The following C4orf36 variants were observed in gnomAD, a reference collection of about 807,000 sequenced individuals.
C4orf36 encodes the protein chromosome 4 open reading frame 36.
C4orf36 carries 11 observed loss-of-function variants against 12.2 expected under a neutral mutation model. The ratio of observed to expected loss-of-function variants is 0.90; its 90% CI spans 0.57 to 1.49. C4orf36 has a LOEUF of 1.49. Among genes scored for constraint, C4orf36 ranks in the 40% most tolerant of loss-of-function variants. The pLI, the probability that C4orf36 is intolerant of heterozygous loss-of-function variation, is 0.00. For synonymous variants in C4orf36, 54 were observed against 51.3 expected, an observed-to-expected ratio of 1.05 and a Z score of -0.22; for missense variants, 137 against 133.9, an observed-to-expected ratio of 1.02 and a Z score of -0.11.
At chr4:86,905,217 AC>A in the C4orf36 span, among the ~76,000 whole-genome samples, 2 of 142,928 alleles carry the variant, frequency 1.4e-5, no homozygotes, top group Admixed American at 7.2e-5. Flanking sequence ...TACTAAAAAT[AC>A]AAAAAAAAAA....
chr4:86,917,401 G>C, the C4orf36 span, among the ~76,000 whole-genome samples: 1 of 137,848 alleles, frequency 7.3e-6, no homozygotes, highest in Non-Finnish European at 1.6e-5. Context: ...AGGAAGGAGA[G>C]AGAAAGAGAG....
intron 4 of C4orf36, among the ~76,000 whole-genome samples, chr4:86,881,670 G>A (rs1164762992): frequency 6.7e-6 from 1 of 149,506 alleles, no homozygotes; most frequent in Non-Finnish European, 1.5e-5. Context: ...TTCACCATCT[G>A]AAATTTTCTT....
chr4:86,882,126 A>T (rs1187544797), intron 4 of C4orf36, among the ~76,000 whole-genome samples: 1 of 152,182 alleles, frequency 6.6e-6, no homozygotes, highest in East Asian at 1.9e-4. Flanking sequence ...TTGCAATGTA[A>T]TTTTATTTCA....
chr4:86,899,860 T>C, the C4orf36 span, among the ~76,000 whole-genome samples: 1 of 152,118 alleles, frequency 6.6e-6, no homozygotes, highest in East Asian at 1.9e-4. Context: ...AAACTGGACA[T>C]GTTCAGAATA....
intron 4 of C4orf36, among the ~76,000 whole-genome samples, chr4:86,885,022 G>T (rs1239118825): frequency 6.6e-6 from 1 of 152,152 alleles, no homozygotes; most frequent in African/African-American, 2.4e-5. Context: ...CAGATGTGTG[G>T]TATTATTTCT....
At chr4:86,902,644 T>TGCAACATCCATCTTC in the C4orf36 span, among the ~76,000 whole-genome samples, 1 of 152,124 alleles carries the variant, frequency 6.6e-6, no homozygotes, top group African/African-American at 2.4e-5. Flanking sequence ...TCCTACTACC[T>TGCAACATCCATCTTC]GCAACATCCA....
At chr4:86,878,013 T>C (rs2149419151) in intron 4 of C4orf36, among the ~76,000 whole-genome samples, 1 of 152,242 alleles carries the variant, frequency 6.6e-6, no homozygotes, top group South Asian at 2.1e-4. Context: ...GATAGAGACA[T>C]AGAGATTCAT....
the C4orf36 span, chr4:86,913,572 C>T: frequency 3.4e-6 from 4 of 1,183,116 alleles, no homozygotes; most frequent in Non-Finnish European, 4.9e-6. Context: ...TCATGGCCAG[C>T]AGCCACCACT....
chr4:86,921,349 G>A, the C4orf36 span, among the ~76,000 whole-genome samples: 1 of 152,242 alleles, frequency 6.6e-6, no homozygotes, highest in Non-Finnish European at 1.5e-5. Flanking sequence ...CTGACCAGCT[G>A]AGCTTCTGGC....
intron 4 of C4orf36, among the ~76,000 whole-genome samples, chr4:86,881,089 G>A (rs1447407656): frequency 1.3e-5 from 2 of 150,632 alleles, no homozygotes; most frequent in Non-Finnish European, 2.9e-5. Context: ...AGTATTGTAA[G>A]TAGTGTAATG....
the C4orf36 span, among the ~76,000 whole-genome samples, chr4:86,903,675 C>T: frequency 3.3e-5 from 5 of 152,150 alleles, no homozygotes; most frequent in Non-Finnish European, 7.3e-5. Flanking sequence ...AGCAAGTTGC[C>T]GCTGCTTGCT....
At chr4:86,882,821 T>C (rs759599446) in intron 4 of C4orf36, among the ~76,000 whole-genome samples, 1 of 152,202 alleles carries the variant, frequency 6.6e-6, no homozygotes, top group Non-Finnish European at 1.5e-5. Flanking sequence ...CATACATATG[T>C]ATAGCTTTCC....
At chr4:86,917,343 GATGGAAGGAAGGAAGGA>G in the C4orf36 span, among the ~76,000 whole-genome samples, 21 of 146,538 alleles carry the variant, frequency 1.4e-4, no homozygotes, top group East Asian at 6.0e-4. Flanking sequence ...AGGAAGGAAG[GATGGAAGGAAGGAAGGA>G]AAGGATGGAA....
At chr4:86,918,198 C>A in the C4orf36 span, among the ~76,000 whole-genome samples, 1 of 152,254 alleles carries the variant, frequency 6.6e-6, no homozygotes, top group Non-Finnish European at 1.5e-5. Context: ...CTTCCAAATA[C>A]TATCACCTTG....
At chr4:86,888,359 T>A in intron 2 of C4orf36, 84 bp from the exon 3 acceptor site, 2 of 1,359,494 alleles carry the variant, frequency 1.5e-6, no homozygotes, top group Non-Finnish European at 2.0e-6. Context: ...AATTCTCAGT[T>A]CCATTTGCCA....
the C4orf36 span, among the ~76,000 whole-genome samples, chr4:86,932,757 GATTT>G: frequency 0.16 from 18,676 of 118,070 alleles, 1,600 homozygotes; most frequent in East Asian, 0.32. Context: ...TTAAAAGGGA[GATTT>G]ATTTGGGGGG....
chr4:86,888,289 T>G lies in C4orf36; in HGVS notation c.66-14A>C, dbSNP rs1560473083. On this transcript the variant is annotated splice_polypyrimidine_tract_variant and intron_variant, in intron 2 of 4. Transcript: ENST00000295898. Reference sequence around the variant, plus strand: ...CAAGGTTCCTGTCTGGGGCAAAAATTCATTAATCCATTCAATAAATATTGA... The same window carrying G: ...CAAGGTTCCTGTCTGGGGCAAAAATGCATTAATCCATTCAATAAATATTGA... 6.2e-7 allele frequency: 1 copy of G among 1,610,854 alleles called. No homozygotes were observed. The highest frequency in any genetic ancestry group is 1.7e-5 in the Admixed American group (1 of 59,620).
the C4orf36 span, chr4:86,913,483 G>T: frequency 1.3e-6 from 1 of 780,444 alleles, no homozygotes. Context: ...ATGTTGCGTT[G>T]GATGCTCTGT....
At chr4:86,888,761 C>A (rs1257858870) in intron 2 of C4orf36, among the ~76,000 whole-genome samples, 8 of 152,138 alleles carry the variant, frequency 5.3e-5, no homozygotes, top group African/African-American at 1.7e-4. Flanking sequence ...TTCTCTTTCA[C>A]CTAATTCTGA....
Sources: gnomAD v4.1 joint callset for allele counts (sites outside exome capture counted in the v4.1 genomes callset) on GRCh38, gnomAD v4.1.1 for gene constraint, MANE v1.5 for transcripts, NCBI Gene and HGNC (gene_info 2026-07-23, HGNC 2026-07-21) for gene names.